SDK1: variants seen among roughly 807,000 people sequenced by gnomAD.
SDK1 encodes the protein sidekick cell adhesion molecule 1, also known as protein sidekick-1.
In SDK1, 157 loss-of-function variants were observed where a neutral mutation model predicts 245.5. The ratio of observed to expected loss-of-function variants is 0.64; its 90% CI spans 0.56 to 0.73. The LOEUF is 0.73. SDK1 is among the 30% of genes least tolerant of loss of function. The probability of loss-of-function intolerance (pLI) is 0.00; values close to 1 mark genes in which losing one functional copy is unlikely to be tolerated. For missense variants in SDK1, 3,583 were observed against 3,002.3 expected, an observed-to-expected ratio of 1.19 and a Z score of -4.52; for synonymous variants, 1,647 against 1,278.5, an observed-to-expected ratio of 1.29 and a Z score of -6.15.
intron 1 of SDK1, among the ~76,000 whole-genome samples, chr7:3,449,171 A>T (rs1467211668): frequency 6.6e-6 from 1 of 152,170 alleles, no homozygotes; most frequent in Non-Finnish European, 1.5e-5. Flanking sequence ...TCTCCAAGTA[A>T]AGCTGTGTGT....
chr7:4,167,884 C>T (rs79225176), intron 32 of SDK1, among the ~76,000 whole-genome samples: 2 of 152,210 alleles, frequency 1.3e-5, no homozygotes, highest in Non-Finnish European at 2.9e-5. Flanking sequence ...TCAGCCCAAG[C>T]TTGTACTGCA....
chr7:3,882,276 C>T (rs1372247291), intron 5 of SDK1, among the ~76,000 whole-genome samples: 1 of 152,118 alleles, frequency 6.6e-6, no homozygotes, highest in African/African-American at 2.4e-5. Context: ...ACAGCCCAAC[C>T]ATATCACCAG....
In SDK1 at chr7:4,034,806, A is replaced by G. The variant is rs567023702; in HGVS notation, c.2603-14542A>G. 2.6e-5 allele frequency among the ~76,000 whole-genome samples: 4 copies of G among 152,336 alleles called. No individual in the cohort carries two copies. The South Asian group carries it at 6.2e-4, about 24-fold the overall frequency. On this transcript the variant is annotated intron_variant, in intron 17 of 44. Transcript: ENST00000404826. ...CATTAAGAGACCGACTGAGTAGACC[A>G]TGGTATATCCACAAGATGGCATATT...
chr7:3,449,186 T>G (rs1483696698), intron 1 of SDK1, among the ~76,000 whole-genome samples: 1 of 152,174 alleles, frequency 6.6e-6, no homozygotes, highest in Non-Finnish European at 1.5e-5. Flanking sequence ...GTGTGTCACG[T>G]TTTGGGGCTA....
chr7:3,305,266 G>T (rs1242923107), intron 1 of SDK1, among the ~76,000 whole-genome samples: 2 of 152,208 alleles, frequency 1.3e-5, no homozygotes, highest in African/African-American at 4.8e-5. Context: ...CCTCAGACCA[G>T]TTGGTTCTCA....
intron 5 of SDK1, among the ~76,000 whole-genome samples, chr7:3,886,022 G>A (rs756158396): frequency 5.3e-5 from 8 of 152,134 alleles, no homozygotes; most frequent in South Asian, 2.1e-4. Context: ...CCTAGGAGGC[G>A]GTGCCGTGCC....
chr7:3,944,421 G>A (rs965630986), intron 5 of SDK1, among the ~76,000 whole-genome samples: 12 of 152,204 alleles, frequency 7.9e-5, no homozygotes, highest in Non-Finnish European at 1.6e-4. Flanking sequence ...TTGGTATATG[G>A]CATTTTAAAA....
chr7:3,777,663 C>T (rs1426515233), intron 4 of SDK1, among the ~76,000 whole-genome samples: 1 of 152,178 alleles, frequency 6.6e-6, no homozygotes, highest in East Asian at 1.9e-4. Flanking sequence ...TGGGTATTCA[C>T]ATATTTTCGA....
At chr7:3,399,388 C>G (rs924876318) in intron 1 of SDK1, among the ~76,000 whole-genome samples, 20 of 152,068 alleles carry the variant, frequency 1.3e-4, no homozygotes, top group African/African-American at 3.9e-4. Context: ...ATGATGGTTT[C>G]CTTTAAAGTT....
intron 4 of SDK1, among the ~76,000 whole-genome samples, chr7:3,742,054 A>G (rs1048380355): frequency 7.3e-5 from 11 of 150,608 alleles, no homozygotes; most frequent in Non-Finnish European, 1.2e-4. Context: ...CGCTTAAAAT[A>G]GAAAAGACAG....
chr7:3,638,482 T>C (rs1438836376), intron 2 of SDK1, among the ~76,000 whole-genome samples: 2 of 151,540 alleles, frequency 1.3e-5, no homozygotes, highest in South Asian at 2.1e-4. Context: ...ATGTCCTTTG[T>C]AGGGACATGG....
chr7:3,795,628 G>C (rs1320304300), intron 4 of SDK1, among the ~76,000 whole-genome samples: 5 of 151,952 alleles, frequency 3.3e-5, no homozygotes, highest in South Asian at 4.2e-4. Flanking sequence ...ATCGTGAAGA[G>C]TTAGATTATG....
chr7:3,756,655 G>C (rs984803633), intron 4 of SDK1, among the ~76,000 whole-genome samples: 1 of 151,824 alleles, frequency 6.6e-6, no homozygotes. Context: ...GACCTTGTGC[G>C]TGTAGTCATG....
At chr7:3,446,883 C>G (rs958798984) in intron 1 of SDK1, among the ~76,000 whole-genome samples, 1 of 151,970 alleles carries the variant, frequency 6.6e-6, no homozygotes, top group Non-Finnish European at 1.5e-5. Context: ...CAGTCTTTTT[C>G]AGTTGTTGCC....
rs568446732 is a variant in SDK1, at chr7:3,780,708, G to T, written c.714-40742G>T. 2.6e-5 allele frequency among the ~76,000 whole-genome samples: 4 copies of T among 152,236 alleles called. 1 individual carries two copies. Among genetic ancestry groups the T allele is most frequent in the African/African-American group, 7.2e-5 (3 of 41,542 alleles). ...GAAAGTCGAGCTGTGGCTCCACCTAGCTAGAAAGCCCACCCAACCACCCTG... is the reference window on the plus strand; with the variant it reads ...GAAAGTCGAGCTGTGGCTCCACCTATCTAGAAAGCCCACCCAACCACCCTG... On this transcript the variant is annotated intron_variant, in intron 4 of 44. Transcript: ENST00000404826.
intron 5 of SDK1, among the ~76,000 whole-genome samples, chr7:3,867,931 G>T (rs569826917): frequency 1.3e-5 from 2 of 152,120 alleles, no homozygotes; most frequent in African/African-American, 4.8e-5. Context: ...ATTTCTGGCA[G>T]ACCATGACTT....
At position 4,268,321 on chromosome 7, in the gene SDK1, G is replaced by A; in HGVS notation, c.*2937G>A. 1 of 1,029,678 alleles carries A rather than the reference G, an allele frequency of 9.7e-7. No individual in the cohort carries two copies. Among genetic ancestry groups the A allele is most frequent in the Non-Finnish European group, 1.2e-6 (1 of 856,030 alleles). The allele number at this position is 1,029,678 out of a possible 1,614,324, so 63.8% of individuals were successfully genotyped here. A position where few individuals can be genotyped will look rare whatever the true frequency, so the allele number is the denominator to read the frequency against. ...TGGGGTGCCAGGGCAGAGATTCCAG[G>A]CAGGTGAGCCCAGAGAGAGCTGCCA... On this transcript the variant is annotated 3_prime_UTR_variant, in exon 45 of 45. Transcript: ENST00000404826.
At chr7:3,488,949 T>C (rs1347670654) in intron 1 of SDK1, among the ~76,000 whole-genome samples, 1 of 151,886 alleles carries the variant, frequency 6.6e-6, no homozygotes. Context: ...TTCACAGAAG[T>C]TTCTCTTAGA....
chr7:3,638,710 A>G (rs1782549896), intron 2 of SDK1, among the ~76,000 whole-genome samples: 1 of 151,226 alleles, frequency 6.6e-6, no homozygotes, highest in African/African-American at 2.4e-5. Context: ...GGTGCAGCAC[A>G]CCAGCATGGC....
Sources: allele counts gnomAD v4.1 joint callset (sites outside exome capture counted in the v4.1 genomes callset), GRCh38; gene constraint gnomAD v4.1.1; transcripts MANE v1.5; gene names NCBI Gene and HGNC (gene_info 2026-07-23, HGNC 2026-07-21).